Variants in OXR1 observed in about 807,000 individuals in gnomAD.
OXR1 encodes oxidation resistance protein 1.
Under a neutral mutation model 104.6 loss-of-function variants are expected in OXR1, and 41 were observed. The observed-to-expected ratio is 0.39, with a 90% CI of 0.31 to 0.51. The LOEUF (loss-of-function observed/expected upper bound fraction) is 0.51, where lower values mean the gene tolerates loss of function less well. Ranked by LOEUF, OXR1 falls within the 20% of genes least tolerant of loss-of-function variation. OXR1 has a pLI of 0.77. For synonymous variants in OXR1, 348 were observed against 348.4 expected, an observed-to-expected ratio of 1.00 and a Z score of 0.01; for missense variants, 955 against 1,031.9, an observed-to-expected ratio of 0.93 and a Z score of 1.02.
chr8:106,418,451 C>T (rs1818769265), intron 2 of OXR1, among the ~76,000 whole-genome samples: 1 of 151,934 alleles, frequency 6.6e-6, no homozygotes, highest in Non-Finnish European at 1.5e-5. Context: ...TAACCACTGT[C>T]AACATTTTAG....
In OXR1 at chr8:106,692,719, A is replaced by G; in HGVS notation, c.526-9A>G. The G allele has an allele frequency of 1.4e-6, 2 of 1,440,456 alleles. No homozygotes were observed. The highest frequency in any genetic ancestry group is 1.8e-6 in the Non-Finnish European group (2 of 1,089,340). 89.2% of individuals were successfully genotyped at this position (1,440,456 alleles called of 1,614,324 possible). ...TTTTTTTTTTCTTTCCTTTAAAAAA[A>G]AAAAAAAGAATCCTGATGTCCATCC... On this transcript the variant is annotated splice_polypyrimidine_tract_variant and intron_variant, in intron 6 of 16. Transcript: ENST00000517566.
chr8:106,689,156 A>G (rs1467393220), intron 6 of OXR1, among the ~76,000 whole-genome samples: 2 of 152,158 alleles, frequency 1.3e-5, no homozygotes, highest in Non-Finnish European at 2.9e-5. Flanking sequence ...AATTCAGACT[A>G]TTGGTACGAC....
intron 2 of OXR1, among the ~76,000 whole-genome samples, chr8:106,400,690 AT>A (rs572872898): frequency 1.5e-3 from 230 of 152,296 alleles, no homozygotes; most frequent in Admixed American, 2.6e-3. Flanking sequence ...TAAGACTTAA[AT>A]TTGTTGTGTT....
intron 3 of OXR1, among the ~76,000 whole-genome samples, chr8:106,574,708 C>T (rs1817704648): frequency 6.6e-6 from 1 of 152,206 alleles, no homozygotes; most frequent in Non-Finnish European, 1.5e-5. Flanking sequence ...GTAAGTGTGC[C>T]AGGTTGTCCA....
chr8:106,321,930 A>G (rs1349459794), intron 1 of OXR1, among the ~76,000 whole-genome samples: 1 of 152,254 alleles, frequency 6.6e-6, no homozygotes, highest in East Asian at 1.9e-4. Context: ...AACTTTATAT[A>G]TCTTCATTAC....
intron 2 of OXR1, among the ~76,000 whole-genome samples, chr8:106,370,650 G>C (rs1436682678): frequency 7.9e-5 from 12 of 152,138 alleles, no homozygotes; most frequent in Non-Finnish European, 1.8e-4. Context: ...CATCTATTGA[G>C]GTAATCATGT....
At chr8:106,585,204 A>G (rs560852419) in intron 3 of OXR1, among the ~76,000 whole-genome samples, 1 of 152,094 alleles carries the variant, frequency 6.6e-6, no homozygotes, top group East Asian at 1.9e-4. Context: ...AACTATGACC[A>G]TAGGTTTGTG....
intron 3 of OXR1, among the ~76,000 whole-genome samples, chr8:106,541,924 A>G (rs553721096): frequency 4.6e-5 from 7 of 152,204 alleles, no homozygotes; most frequent in Non-Finnish European, 8.8e-5. Flanking sequence ...TACCTGTATC[A>G]TTTTGTTTAA....
chr8:106,380,220 A>G (rs1817087358), intron 2 of OXR1, among the ~76,000 whole-genome samples: 1 of 146,650 alleles, frequency 6.8e-6, no homozygotes, highest in South Asian at 2.1e-4. Flanking sequence ...CATATCATAC[A>G]TTATATAGTC....
At chr8:106,330,554 T>C (rs915305484) in intron 1 of OXR1, among the ~76,000 whole-genome samples, 1 of 152,220 alleles carries the variant, frequency 6.6e-6, no homozygotes, top group South Asian at 2.1e-4. Context: ...AGAGAAAATA[T>C]AAAAATTGTC....
chr8:106,516,893 TATC>T (rs1812898141), intron 2 of OXR1, among the ~76,000 whole-genome samples: 1 of 152,194 alleles, frequency 6.6e-6, no homozygotes, highest in African/African-American at 2.4e-5. Context: ...AATTAAACTT[TATC>T]ATATTTATGC....
intron 2 of OXR1, among the ~76,000 whole-genome samples, chr8:106,436,397 C>A (rs1432705846): frequency 6.6e-6 from 1 of 152,050 alleles, no homozygotes; most frequent in Non-Finnish European, 1.5e-5. Context: ...GTTGTAATCA[C>A]CTCACTCTCT....
intron 2 of OXR1, among the ~76,000 whole-genome samples, chr8:106,484,996 C>T (rs796703424): frequency 2.0e-5 from 3 of 151,920 alleles, no homozygotes; most frequent in African/African-American, 4.8e-5. Flanking sequence ...TTACTCAGCA[C>T]TAATAAAAGA....
chr8:106,496,660 A>C (rs1446391827), intron 2 of OXR1, among the ~76,000 whole-genome samples: 2 of 152,236 alleles, frequency 1.3e-5, no homozygotes, highest in African/African-American at 2.4e-5. Flanking sequence ...CCATGGTTCC[A>C]GCCAGTAACT....
intron 11 of OXR1, among the ~76,000 whole-genome samples, chr8:106,721,870 T>C (rs1832852594): frequency 6.6e-6 from 1 of 152,194 alleles, no homozygotes; most frequent in African/African-American, 2.4e-5. Context: ...TTTATCACAT[T>C]ATGTCATTGT....
chr8:106,304,836 A>G (rs561351028), intron 1 of OXR1, among the ~76,000 whole-genome samples: 1 of 152,196 alleles, frequency 6.6e-6, no homozygotes, highest in South Asian at 2.1e-4. Flanking sequence ...ACTCAAGGGA[A>G]TTTTAGTTTC....
intron 1 of OXR1, among the ~76,000 whole-genome samples, chr8:106,274,731 G>A (rs564408493): frequency 2.0e-5 from 3 of 151,914 alleles, no homozygotes; most frequent in Admixed American, 1.3e-4. Context: ...TTTCACAAAG[G>A]CAACCTCAGT....
At chr8:106,679,682 A>C (rs1269811530) in intron 4 of OXR1, among the ~76,000 whole-genome samples, 1 of 151,952 alleles carries the variant, frequency 6.6e-6, no homozygotes, top group African/African-American at 2.4e-5. Context: ...GTTGATATTA[A>C]TCTTCCAGTA....
At position 106,727,297 on chromosome 8, in the gene OXR1, T is replaced by TTTA. The variant is rs1833439780; in HGVS notation, c.1957-10219_1957-10217dup. Reference sequence around the variant, plus strand: ...TTAGTTTGCAAAGACTTCAATACAGTTTATTACAAATACAAGCAAAATAAA... The same window carrying TTTA: ...TTAGTTTGCAAAGACTTCAATACAGTTTATTATTACAAATACAAGCAAAATAAA... On this transcript the variant is annotated intron_variant, in intron 11 of 16. Transcript: ENST00000517566. 2.6e-5 allele frequency among the ~76,000 whole-genome samples: 4 copies of TTTA among 152,280 alleles called. No individual in the cohort carries two copies. In the South Asian group the frequency reaches 8.3e-4, roughly 32 times the overall value.
Sources: allele counts gnomAD v4.1 joint callset (sites outside exome capture counted in the v4.1 genomes callset), GRCh38; gene constraint gnomAD v4.1.1; transcripts MANE v1.5; gene names NCBI Gene and HGNC (gene_info 2026-07-23, HGNC 2026-07-21).